The following TRIM33 variants were observed in gnomAD, a reference collection of about 807,000 sequenced individuals.
The protein encoded by TRIM33 is E3 ubiquitin-protein ligase TRIM33.
A neutral mutation model predicts 125.4 loss-of-function variants in TRIM33; 20 were observed. The ratio of observed to expected loss-of-function variants is 0.16; its 90% CI spans 0.11 to 0.23. The LOEUF is 0.23. Among genes scored for constraint, TRIM33 ranks in the 10% least tolerant of loss-of-function variants. The pLI is 1.00. For missense variants in TRIM33, 920 were observed against 1,411.4 expected (o/e 0.65, Z 5.58); for synonymous variants, 564 against 513.9 (o/e 1.10, Z -1.32).
At chr1:114,462,679 A>G (rs944235208) in intron 4 of TRIM33, among the ~76,000 whole-genome samples, 4 of 152,206 alleles carry the variant, frequency 2.6e-5, no homozygotes, top group Non-Finnish European at 4.4e-5. Context: ...AACTCTGCTT[A>G]GTTGTTCATA....
chr1:114,483,025 A>T (rs909742653), intron 1 of TRIM33, among the ~76,000 whole-genome samples: 1 of 152,212 alleles, frequency 6.6e-6, no homozygotes, highest in Non-Finnish European at 1.5e-5. Context: ...CAAATTCTTT[A>T]AAAATACAAA....
At chr1:114,401,971 A>G (rs928446687) in intron 16 of TRIM33, among the ~76,000 whole-genome samples, 2 of 152,168 alleles carry the variant, frequency 1.3e-5, no homozygotes, top group African/African-American at 4.8e-5. Flanking sequence ...ACAGTCTTCT[A>G]TTTATCTAAA....
intron 4 of TRIM33, 139 bp from the exon 5 acceptor site, chr1:114,433,872 A>G (rs1447974022): frequency 5.9e-6 from 3 of 511,636 alleles, no homozygotes; most frequent in Admixed American, 7.2e-5. Flanking sequence ...CCTTATCTCA[A>G]CAGCAACTTT....
At chr1:114,481,915 T>C (rs889628052) in intron 1 of TRIM33, among the ~76,000 whole-genome samples, 3 of 151,898 alleles carry the variant, frequency 2.0e-5, no homozygotes, top group Non-Finnish European at 4.4e-5. Flanking sequence ...TGCGCCACCA[T>C]GCCCAGCTAA....
chr1:114,416,985 A>T (rs1265483066), intron 11 of TRIM33, among the ~76,000 whole-genome samples: 1 of 152,238 alleles, frequency 6.6e-6, no homozygotes, highest in African/African-American at 2.4e-5. Context: ...CAGAGAAGAA[A>T]AGCAAATGTT....
At chr1:114,470,492 A>T (rs931155475) in intron 1 of TRIM33, among the ~76,000 whole-genome samples, 3 of 152,124 alleles carry the variant, frequency 2.0e-5, no homozygotes, top group African/African-American at 7.2e-5. Flanking sequence ...TGCTTCACTG[A>T]CTGGCCACTC....
At position 114,408,561 on chromosome 1, in the gene TRIM33, C is replaced by T. The variant is rs927039478; in HGVS notation, c.2258+116G>A. 25 of 604,380 alleles carry T rather than the reference C, an allele frequency of 4.1e-5. No individual in the cohort carries two copies. In the African/African-American group the frequency reaches 4.5e-4, roughly 11 times the overall value. The allele number at this position is 604,380 out of a possible 1,614,324, so 37.4% of individuals were successfully genotyped here. A position where few individuals can be genotyped will look rare whatever the true frequency, so the allele number is the denominator to read the frequency against. Reference sequence around the variant, plus strand: ...GAAACAAGATTGGCCATTATTTGATCACTGTTAAAGCTGAGTGTTAAGTAT... The same window carrying T: ...GAAACAAGATTGGCCATTATTTGATTACTGTTAAAGCTGAGTGTTAAGTAT... On this transcript the variant is annotated intron_variant, in intron 13 of 19. Coordinates refer to ENST00000358465, the MANE Select transcript of TRIM33 (RefSeq NM_015906.4).
chr1:114,416,537 C>T (rs1459121796), intron 11 of TRIM33, among the ~76,000 whole-genome samples: 2 of 152,184 alleles, frequency 1.3e-5, no homozygotes, highest in African/African-American at 4.8e-5. Flanking sequence ...TTCTGTATTA[C>T]TCCAGTTGTG....
chr1:114,481,933 G>A (rs142501547), intron 1 of TRIM33, among the ~76,000 whole-genome samples: 134 of 152,024 alleles, frequency 8.8e-4, no homozygotes, highest in African/African-American at 3.2e-3. Flanking sequence ...TAATATTTTT[G>A]TATTTTTAGT....
intron 17 of TRIM33, among the ~76,000 whole-genome samples, chr1:114,400,755 C>T (rs1364229147): frequency 6.6e-6 from 1 of 152,194 alleles, no homozygotes; most frequent in Non-Finnish European, 1.5e-5. Context: ...CAACTGATGG[C>T]TAGCAATAAA....
At chr1:114,468,623 T>C (rs1238639485) in intron 1 of TRIM33, 3 of 420,638 alleles carry the variant, frequency 7.1e-6, no homozygotes, top group Non-Finnish European at 1.4e-5. Context: ...GATCTTAAGA[T>C]TGAAAAAATA....
intron 1 of TRIM33, among the ~76,000 whole-genome samples, chr1:114,468,049 T>C (rs942709096): frequency 6.6e-6 from 1 of 152,116 alleles, no homozygotes; most frequent in Non-Finnish European, 1.5e-5. Flanking sequence ...ATCCAAAGAA[T>C]AGGAAAAAGA....
chr1:114,443,665 T>A (rs1648801283), intron 4 of TRIM33, among the ~76,000 whole-genome samples: 1 of 152,206 alleles, frequency 6.6e-6, no homozygotes, highest in South Asian at 2.1e-4. Context: ...CCACTCTCTC[T>A]TAAACAGTAT....
At chr1:114,427,714 C>T in intron 7 of TRIM33, 34 bp downstream of exon 7, 1 of 1,592,292 alleles carries the variant, frequency 6.3e-7, no homozygotes, top group South Asian at 1.1e-5. Flanking sequence ...TAATAAAGTC[C>T]ATTAAAGAAA....
chr1:114,511,108 G>T lies in TRIM33; in HGVS notation c.-32C>A, dbSNP rs1342885904. ...CTCTTTGAACCCGCCGGACCGCCCC[G>T]CGCCGCCCGCCGCCCGCGTCGCCGC... On this transcript the variant is annotated 5_prime_UTR_variant, in exon 1 of 20. Transcript: ENST00000358465. 10 of 1,144,370 alleles carry T rather than the reference G, an allele frequency of 8.7e-6. No individual in the cohort carries two copies. The highest frequency in any genetic ancestry group is 1.1e-5 in the Non-Finnish European group (10 of 935,430). 70.9% of individuals were successfully genotyped at this position (1,144,370 alleles called of 1,614,324 possible).
chr1:114,489,744 C>T (rs1332150194), intron 1 of TRIM33, among the ~76,000 whole-genome samples: 1 of 151,714 alleles, frequency 6.6e-6, no homozygotes, highest in Non-Finnish European at 1.5e-5. Flanking sequence ...GACCCTGTCT[C>T]AAAAAATAAA....
intron 1 of TRIM33, among the ~76,000 whole-genome samples, chr1:114,486,991 G>A (rs1181497390): frequency 3.3e-5 from 5 of 151,404 alleles, no homozygotes; most frequent in Admixed American, 3.3e-4. Flanking sequence ...GGAGGCTGAA[G>A]CAGGCGAATC....
chr1:114,412,083 AAAGTT>A (rs1422133739), intron 11 of TRIM33, among the ~76,000 whole-genome samples: 2 of 152,246 alleles, frequency 1.3e-5, no homozygotes, highest in African/African-American at 4.8e-5. Flanking sequence ...AAATGAAAAT[AAAGTT>A]AACAATAATG....
At chr1:114,415,090 G>A (rs1652854011) in intron 11 of TRIM33, among the ~76,000 whole-genome samples, 1 of 146,404 alleles carries the variant, frequency 6.8e-6, no homozygotes, top group African/African-American at 2.6e-5. Context: ...GATCCCCTGG[G>A]CTAAAGGGAT....
Sources: gnomAD v4.1 joint callset for allele counts (sites outside exome capture counted in the v4.1 genomes callset) on GRCh38, gnomAD v4.1.1 for gene constraint, MANE v1.5 for transcripts, NCBI Gene and HGNC (gene_info 2026-07-23, HGNC 2026-07-21) for gene names.